Variants in MRPS27 observed in about 807,000 individuals in gnomAD.
MRPS27 encodes the protein small ribosomal subunit protein mS27.
Under a neutral mutation model 48.9 loss-of-function variants are expected in MRPS27, and 43 were observed. The observed-to-expected ratio is 0.88, with a 90% confidence interval of 0.69 to 1.13. The LOEUF is 1.13. Among genes scored for constraint, MRPS27 ranks in the 50% most tolerant of loss-of-function variants. The pLI is 0.00. For synonymous variants in MRPS27, 188 were observed against 171.9 expected (o/e 1.09, Z -0.73); for missense variants, 467 against 476.3 (o/e 0.98, Z 0.18).
intron 4 of MRPS27, among the ~76,000 whole-genome samples, chr5:72,249,332 G>T (rs1748593767): frequency 6.6e-6 from 1 of 152,188 alleles, no homozygotes; most frequent in Non-Finnish European, 1.5e-5. Context: ...GGCACTAAGA[G>T]ACAAAGAAGA....
chr5:72,318,651 G>T (rs773803080), intron 1 of MRPS27, among the ~76,000 whole-genome samples: 2 of 152,138 alleles, frequency 1.3e-5, no homozygotes, highest in Non-Finnish European at 2.9e-5. Context: ...AAAATTAGCC[G>T]GGAGTGGTGG....
intron 1 of MRPS27, among the ~76,000 whole-genome samples, chr5:72,317,511 T>C (rs762649900): frequency 4.0e-5 from 6 of 150,862 alleles, no homozygotes; most frequent in Non-Finnish European, 8.8e-5. Flanking sequence ...GCCTCCTGAG[T>C]AGCTGGGATT....
chr5:72,265,496 A>G (rs1210199416), intron 4 of MRPS27, among the ~76,000 whole-genome samples: 1 of 152,266 alleles, frequency 6.6e-6, no homozygotes, highest in Non-Finnish European at 1.5e-5. Flanking sequence ...GATTTACATT[A>G]GAGATTAGTG....
chr5:72,305,662 C>T (rs1463356092), intron 2 of MRPS27, among the ~76,000 whole-genome samples: 2 of 152,110 alleles, frequency 1.3e-5, no homozygotes, highest in African/African-American at 4.8e-5. Flanking sequence ...CTCATGAATC[C>T]TGAATTCAGC....
intron 4 of MRPS27, among the ~76,000 whole-genome samples, chr5:72,257,234 C>T (rs1748833291): frequency 6.6e-6 from 1 of 152,166 alleles, no homozygotes; most frequent in South Asian, 2.1e-4. Context: ...CGTTCCTTCT[C>T]TGTTATCGTT....
chr5:72,238,172 A>G, intron 4 of MRPS27, 44 bp from the exon 5 acceptor site: 2 of 1,280,910 alleles, frequency 1.6e-6, no homozygotes, highest in Non-Finnish European at 2.3e-6. Flanking sequence ...TAACTCTTAT[A>G]TGTTAAAACA....
At chr5:72,255,890 G>A (rs1262324672) in intron 4 of MRPS27, among the ~76,000 whole-genome samples, 1 of 152,122 alleles carries the variant, frequency 6.6e-6, no homozygotes, top group Non-Finnish European at 1.5e-5. Context: ...CCAACAACTG[G>A]GGCTTCTTCA....
intron 4 of MRPS27, among the ~76,000 whole-genome samples, chr5:72,273,624 C>T (rs958458445): frequency 1.3e-5 from 2 of 152,094 alleles, no homozygotes; most frequent in South Asian, 2.1e-4. Flanking sequence ...TGTGTCTAAA[C>T]GTATCTAAAC....
At chr5:72,236,012 C>T (rs1748191388) in intron 5 of MRPS27, among the ~76,000 whole-genome samples, 1 of 152,074 alleles carries the variant, frequency 6.6e-6, no homozygotes, top group African/African-American at 2.4e-5. Flanking sequence ...GTGATGAGTA[C>T]AGCATGTGTT....
At chr5:72,248,277 G>C (rs1748558823) in intron 4 of MRPS27, among the ~76,000 whole-genome samples, 2 of 152,264 alleles carry the variant, frequency 1.3e-5, no homozygotes, top group South Asian at 2.1e-4. Flanking sequence ...TTAAGTACCA[G>C]AGGCAATTCC....
chr5:72,253,857 A>AT, intron 4 of MRPS27, among the ~76,000 whole-genome samples: 1 of 152,332 alleles, frequency 6.6e-6, no homozygotes, highest in South Asian at 2.1e-4. Flanking sequence ...CTGAGTAGTG[A>AT]AAGATACTTA....
chr5:72,316,555 G>C (rs578083946), intron 1 of MRPS27, among the ~76,000 whole-genome samples: 1 of 151,736 alleles, frequency 6.6e-6, no homozygotes, highest in Non-Finnish European at 1.5e-5. Context: ...TTTTAGTAGA[G>C]ACGGGGTTTC....
At chr5:72,268,166 A>G (rs1475601851) in intron 4 of MRPS27, among the ~76,000 whole-genome samples, 1 of 152,108 alleles carries the variant, frequency 6.6e-6, no homozygotes, top group Non-Finnish European at 1.5e-5. Context: ...CACCCTAAAA[A>G]GAAAAAAAAA....
intron 1 of MRPS27, among the ~76,000 whole-genome samples, chr5:72,316,273 T>C (rs994391024): frequency 6.6e-6 from 1 of 152,224 alleles, no homozygotes; most frequent in African/African-American, 2.4e-5. Flanking sequence ...TGGAATTTCT[T>C]TTTGGGATAA....
intron 4 of MRPS27, among the ~76,000 whole-genome samples, chr5:72,281,327 A>T (rs569324519): frequency 9.9e-5 from 15 of 152,180 alleles, no homozygotes; most frequent in Admixed American, 1.3e-4. Flanking sequence ...TTTAACACTC[A>T]TTTTATGAGG....
At chr5:72,307,113 G>A (rs950361759) in intron 2 of MRPS27, among the ~76,000 whole-genome samples, 1 of 152,178 alleles carries the variant, frequency 6.6e-6, no homozygotes, top group African/African-American at 2.4e-5. Context: ...CAGCACTTGG[G>A]GAGGCCGAGG....
At chr5:72,308,877 T>A (rs182345752) in intron 2 of MRPS27, among the ~76,000 whole-genome samples, 8 of 152,326 alleles carry the variant, frequency 5.3e-5, no homozygotes, top group African/African-American at 1.7e-4. Flanking sequence ...AACAAGGGGC[T>A]TAGGGACTCC....
chr5:72,258,232 C>G (rs563928651), intron 4 of MRPS27, among the ~76,000 whole-genome samples: 1 of 152,068 alleles, frequency 6.6e-6, no homozygotes, highest in East Asian at 1.9e-4. Context: ...CTGGGAAAAC[C>G]CACACATATA....
At chr5:72,288,634 G>A (rs1400515934) in intron 4 of MRPS27, among the ~76,000 whole-genome samples, 5 of 152,132 alleles carry the variant, frequency 3.3e-5, no homozygotes, top group African/African-American at 7.2e-5. Flanking sequence ...AATCTCCCAG[G>A]CCTGTGGTAA....
Sources: allele counts gnomAD v4.1 joint callset (sites outside exome capture counted in the v4.1 genomes callset), GRCh38; gene constraint gnomAD v4.1.1; transcripts MANE v1.5; gene names NCBI Gene and HGNC (gene_info 2026-07-23, HGNC 2026-07-21).